ARHGAP8: variants seen among roughly 807,000 people sequenced by gnomAD.
ARHGAP8 encodes Rho GTPase activating protein 8, also known as rho GTPase-activating protein 8.
ARHGAP8 carries 62 observed loss-of-function variants against 46.1 expected under a neutral mutation model. The ratio of observed to expected loss-of-function variants is 1.34; its 90% CI spans 1.10 to 1.66. ARHGAP8 has a LOEUF of 1.66. ARHGAP8 is among the 40% of genes most tolerant of loss of function. The pLI, the probability that ARHGAP8 is intolerant of heterozygous loss-of-function variation, is 0.00. For synonymous variants in ARHGAP8, 375 were observed against 243.1 expected (o/e 1.54, Z -5.05); for missense variants, 923 against 568.4 (o/e 1.62, Z -6.34).
At chr22:44,860,883 G>C (rs1569188830) in intron 11 of ARHGAP8, among the ~76,000 whole-genome samples, 1 of 152,178 alleles carries the variant, frequency 6.6e-6, no homozygotes, top group Non-Finnish European at 1.5e-5. Context: ...GAGAGCCTGA[G>C]CAGAGTAGGC....
At position 44,862,695 on chromosome 22, in the gene ARHGAP8, A is replaced by C. The variant is rs8138059; in HGVS notation, c.*100A>C. On this transcript the variant is annotated 3_prime_UTR_variant, in exon 12 of 12. Transcript: ENST00000356099. ...ATCTGTAAAAATAACCAGCCATTAG[A>C]TGAATTCAGAACCTTCTAATGAAAA... 1.4e-6 allele frequency: 2 copies of C among 1,380,194 alleles called. No homozygotes were observed. Among genetic ancestry groups the C allele is most frequent in the Non-Finnish European group, 1.9e-6 (2 of 1,041,872 alleles). 85.5% of individuals were successfully genotyped at this position (1,380,194 alleles called of 1,614,324 possible). A position where few individuals can be genotyped will look rare whatever the true frequency, so the allele number is the denominator to read the frequency against.
intron 3 of ARHGAP8, among the ~76,000 whole-genome samples, chr22:44,802,517 T>A (rs1194700234): frequency 1.3e-5 from 2 of 152,336 alleles, no homozygotes; most frequent in East Asian, 3.9e-4. Context: ...CCCCACGCAC[T>A]GTCCCTTTGA....
At chr22:44,843,583 C>A (rs1444971552) in intron 7 of ARHGAP8, among the ~76,000 whole-genome samples, 1 of 152,082 alleles carries the variant, frequency 6.6e-6, no homozygotes, top group African/African-American at 2.4e-5. Context: ...AATCCCAGGA[C>A]TTTGGGAGGC....
At chr22:44,825,445 C>T (rs745573105) in intron 6 of ARHGAP8, 38 bp from the exon 7 acceptor site, 1 of 1,583,684 alleles carries the variant, frequency 6.3e-7, no homozygotes, top group South Asian at 1.1e-5. Flanking sequence ...GCCAGCTGCC[C>T]CTGCCAGGTG....
At chr22:44,773,731 C>T (rs1304762340) in intron 1 of ARHGAP8, among the ~76,000 whole-genome samples, 1 of 152,126 alleles carries the variant, frequency 6.6e-6, no homozygotes, top group African/African-American at 2.4e-5. Flanking sequence ...TAAAGGTGTA[C>T]ACCACCACAT....
intron 4 of ARHGAP8, among the ~76,000 whole-genome samples, chr22:44,811,858 G>T (rs541003884): frequency 6.6e-6 from 1 of 152,010 alleles, no homozygotes; most frequent in South Asian, 2.1e-4. Flanking sequence ...TTAGCCAGGC[G>T]TGGTGGTGCA....
intron 1 of ARHGAP8, among the ~76,000 whole-genome samples, chr22:44,763,959 C>A (rs1417679017): frequency 6.6e-6 from 1 of 151,832 alleles, no homozygotes; most frequent in African/African-American, 2.4e-5. Context: ...TACAGGTGCC[C>A]GCCACCACGC....
intron 1 of ARHGAP8, among the ~76,000 whole-genome samples, chr22:44,758,600 T>C (rs2146985969): frequency 6.6e-6 from 1 of 150,514 alleles, no homozygotes; most frequent in South Asian, 2.1e-4. Flanking sequence ...TGTGCAGGGC[T>C]GTGCGTTCCA....
In ARHGAP8 at chr22:44,759,382, T is replaced by C. The variant is rs73889729; in HGVS notation, c.-72+6755T>C. ...AGGAAGCCCCTCTCCCAATCTGGGGTAGGCAGGGCACCTGGAGCATCAGGA... is the reference window on the plus strand; with the variant it reads ...AGGAAGCCCCTCTCCCAATCTGGGGCAGGCAGGGCACCTGGAGCATCAGGA... On this transcript the variant is annotated intron_variant, in intron 1 of 11. Coordinates refer to ENST00000356099, the MANE Select transcript of ARHGAP8 (RefSeq NM_181335.3). Among the ~76,000 whole-genome samples, 1,102 of 152,170 alleles carry C rather than the reference T, an allele frequency of 7.2e-3. 11 individuals are homozygous for C. The highest frequency in any genetic ancestry group is 0.025 in the African/African-American group (1,028 of 41,520).
chr22:44,851,318 CA>C (rs2070087300), intron 10 of ARHGAP8, among the ~76,000 whole-genome samples: 1 of 152,152 alleles, frequency 6.6e-6, no homozygotes, highest in Admixed American at 6.6e-5. Flanking sequence ...GTTATTCTGA[CA>C]AAAGACAGAT....
At chr22:44,768,441 A>G (rs1157219461) in intron 1 of ARHGAP8, among the ~76,000 whole-genome samples, 1 of 150,310 alleles carries the variant, frequency 6.7e-6, no homozygotes, top group Non-Finnish European at 1.5e-5. Context: ...CTGAGACTAC[A>G]GGTGCACACC....
intron 1 of ARHGAP8, chr22:44,786,224 T>C (rs9614929): frequency 0.17 from 99,243 of 595,674 alleles, 9,107 homozygotes; most frequent in African/African-American, 0.33. Flanking sequence ...TGATGTAGAG[T>C]GTATAATGGG....
chr22:44,811,262 CTG>C (rs1929313963), intron 4 of ARHGAP8, among the ~76,000 whole-genome samples: 1 of 152,238 alleles, frequency 6.6e-6, no homozygotes, highest in Non-Finnish European at 1.5e-5. Context: ...GAGTTGGAAT[CTG>C]TGTTGCCAGC....
chr22:44,769,037 G>T (rs756552523), intron 1 of ARHGAP8, among the ~76,000 whole-genome samples: 1 of 152,042 alleles, frequency 6.6e-6, no homozygotes, highest in African/African-American at 2.4e-5. Flanking sequence ...GTTTCACCAT[G>T]TTGGCCAGGC....
intron 7 of ARHGAP8, among the ~76,000 whole-genome samples, chr22:44,835,817 T>C (rs739122): frequency 0.24 from 37,033 of 152,000 alleles, 5,456 homozygotes; most frequent in East Asian, 0.74. Flanking sequence ...TGAGCCAGTG[T>C]TCACTTTTGT....
In ARHGAP8 at chr22:44,862,674, G is replaced by T. The variant is rs761844578; in HGVS notation, c.*79G>T. Reference sequence around the variant, plus strand: ...TGTATGTTTTGTAAACTTGGCATCTGTAAAAATAACCAGCCATTAGATGAA... The same window carrying T: ...TGTATGTTTTGTAAACTTGGCATCTTTAAAAATAACCAGCCATTAGATGAA... On this transcript the variant is annotated 3_prime_UTR_variant, in exon 12 of 12. Coordinates refer to ENST00000356099, the MANE Select transcript of ARHGAP8 (RefSeq NM_181335.3). 5.5e-5 allele frequency: 80 copies of T among 1,463,220 alleles called. No individual in the cohort carries two copies. The African/African-American group carries it at 9.9e-4, about 18-fold the overall frequency. The allele number at this position is 1,463,220 out of a possible 1,614,324, so 90.6% of individuals were successfully genotyped here. A position where few individuals can be genotyped will look rare whatever the true frequency, so the allele number is the denominator to read the frequency against.
At chr22:44,858,796 C>T (rs940426904) in intron 10 of ARHGAP8, among the ~76,000 whole-genome samples, 5 of 150,778 alleles carry the variant, frequency 3.3e-5, no homozygotes, top group African/African-American at 7.4e-5. Context: ...ACTGCCTTTC[C>T]AAGAGCAACA....
At chr22:44,804,037 C>T (rs536463266) in intron 3 of ARHGAP8, among the ~76,000 whole-genome samples, 2 of 151,212 alleles carry the variant, frequency 1.3e-5, no homozygotes, top group Middle Eastern at 3.3e-3. Context: ...CAGTCTTGAG[C>T]GTGGGCCCGG....
intron 7 of ARHGAP8, among the ~76,000 whole-genome samples, chr22:44,831,592 C>T (rs11090705): frequency 0.019 from 2,822 of 152,020 alleles, 44 homozygotes; most frequent in Middle Eastern, 0.048. Flanking sequence ...CCAGCTACTC[C>T]GGGGACTGAG....
Sources: gnomAD v4.1 joint callset for allele counts (sites outside exome capture counted in the v4.1 genomes callset) on GRCh38, gnomAD v4.1.1 for gene constraint, MANE v1.5 for transcripts, NCBI Gene and HGNC (gene_info 2026-07-23, HGNC 2026-07-21) for gene names.